ARID4A: variants seen among roughly 807,000 people sequenced by gnomAD.
ARID4A encodes AT-rich interactive domain-containing protein 4A.
A neutral mutation model predicts 148.6 loss-of-function variants in ARID4A; 39 were observed. The ratio of observed to expected loss-of-function variants is 0.26; its 90% confidence interval spans 0.20 to 0.34. The LOEUF (loss-of-function observed/expected upper bound fraction) is 0.34. Among genes scored for constraint, ARID4A ranks in the 10% least tolerant of loss-of-function variants. ARID4A has a pLI of 1.00. For synonymous variants in ARID4A, 475 were observed against 481.2 expected (o/e 0.99, Z 0.17); for missense variants, 1,265 against 1,449.1 (o/e 0.87, Z 2.06).
chr14:58,302,179 G>A (rs902001597), intron 3 of ARID4A, among the ~76,000 whole-genome samples: 1 of 152,002 alleles, frequency 6.6e-6, no homozygotes, highest in East Asian at 1.9e-4. Flanking sequence ...CCAACGTGGC[G>A]AAACCCTGTC....
intron 17 of ARID4A, among the ~76,000 whole-genome samples, chr14:58,355,210 C>G (rs1040319736): frequency 4.6e-5 from 7 of 152,278 alleles, no homozygotes; most frequent in African/African-American, 1.4e-4. Flanking sequence ...TTTCTCTATA[C>G]ACTAGATGTG....
At chr14:58,346,589 G>T in intron 13 of ARID4A, 84 bp downstream of exon 13, 1 of 810,470 alleles carries the variant, frequency 1.2e-6, no homozygotes, top group South Asian at 1.8e-5. Context: ...TATGCACATT[G>T]GATAATAAAT....
At position 58,365,070 on chromosome 14, in the gene ARID4A, C is replaced by G. The variant is rs778624637; in HGVS notation, c.2981C>G (p.Ala994Gly). 4.7e-5 allele frequency: 76 copies of G among 1,613,988 alleles called. No individual in the cohort carries two copies. Among genetic ancestry groups the G allele is most frequent in the Non-Finnish European group, 5.9e-5 (70 of 1,180,006 alleles). The change falls in exon 20 of 24, where the codon GCC (alanine) becomes GGC (glycine). Residue 994 changes from alanine to glycine, a missense_variant. Physicochemically the swap from Ala to Gly is moderately conservative, Grantham distance 60. Around this residue, in one of 9 missense-constraint regions of ARID4A, gnomAD observed 666 missense variants for 730.9 expected, o/e 0.91. Coordinates refer to ENST00000355431, the MANE Select transcript of ARID4A (RefSeq NM_002892.4). The part of the protein sequence containing the change: ...ESNSLVSIPP[A>G]LPPVVQHNFS... Reference sequence around the variant, plus strand: ...AACTCTCTTGTTTCTATTCCACCTGCCCTACCTCCTGTAGTCCAACATAAC... The same window carrying G: ...AACTCTCTTGTTTCTATTCCACCTGGCCTACCTCCTGTAGTCCAACATAAC...
intron 8 of ARID4A, among the ~76,000 whole-genome samples, chr14:58,324,258 C>T (rs1195982685): frequency 6.6e-6 from 1 of 152,084 alleles, no homozygotes; most frequent in Non-Finnish European, 1.5e-5. Context: ...TTTTCCAGTA[C>T]TAACTTTTAT....
At chr14:58,368,422 A>G (rs1229555592) in intron 23 of ARID4A, among the ~76,000 whole-genome samples, 1 of 152,230 alleles carries the variant, frequency 6.6e-6, no homozygotes, top group Non-Finnish European at 1.5e-5. Flanking sequence ...TCTGTATTTA[A>G]AAGCCCTGAT....
At position 58,364,659 on chromosome 14, in the gene ARID4A, G is replaced by A. The variant is rs773944638; in HGVS notation, c.2570G>A (p.Arg857Gln). 8 of 1,613,534 alleles carry A rather than the reference G, an allele frequency of 5.0e-6. 1 individual carries two copies. The Admixed American group carries it at 5.0e-5, about 10-fold the overall frequency. ...TGTGTGAAAGAAAAGAAGTTGAAAC[G>A]GAAAATACTAGGACAATCATCGCCA... is the stretch of plus-strand genomic sequence containing the variant. ...DQCVKEKKLKRKILGQSSPEK... is the reference protein window; with the variant it reads ...DQCVKEKKLKQKILGQSSPEK... The change falls in exon 20 of 24, where the codon CGG becomes CAG. Residue 857 changes from arginine (R) to glutamine (Q), a missense_variant. Coordinates refer to ENST00000355431, the MANE Select transcript of ARID4A (RefSeq NM_002892.4).
In ARID4A at chr14:58,372,966, C is replaced by T. The variant is rs942753462; in HGVS notation, c.*977C>T. The T allele has an allele frequency of 8.4e-5, 16 of 189,806 alleles. No homozygotes were observed. The East Asian group carries it at 1.3e-3, about 15-fold the overall frequency. The allele number at this position is 189,806 out of a possible 1,614,324, so 11.8% of individuals were successfully genotyped here. A position where few individuals can be genotyped will look rare whatever the true frequency, so the allele number is the denominator to read the frequency against. On this transcript the variant is annotated 3_prime_UTR_variant, in exon 24 of 24. Coordinates refer to ENST00000355431, the MANE Select transcript of ARID4A (RefSeq NM_002892.4). ...TAATTCACTCTTTGGATGACAATAG[C>T]TCTCAGCTGTCCTTTTTACAGGAGG...
intron 7 of ARID4A, 68 bp from the exon 8 acceptor site, chr14:58,323,417 A>G (rs2033023637): frequency 6.5e-7 from 1 of 1,537,890 alleles, no homozygotes; most frequent in Non-Finnish European, 8.9e-7. Context: ...GACTATATTA[A>G]ATTCACAATA....
intron 18 of ARID4A, among the ~76,000 whole-genome samples, chr14:58,360,079 A>G (rs919219236): frequency 6.6e-6 from 1 of 152,210 alleles, no homozygotes; most frequent in Non-Finnish European, 1.5e-5. Flanking sequence ...AAAAAAAAAA[A>G]AAATCTTGAT....
intron 15 of ARID4A, 65 bp from the exon 16 acceptor site, chr14:58,351,008 A>AC: frequency 6.7e-7 from 1 of 1,485,550 alleles, no homozygotes; most frequent in Non-Finnish European, 9.0e-7. Flanking sequence ...AGGAAAAGAT[A>AC]TTTTTTCCTG....
At chr14:58,318,996 C>T (rs1010323770) in intron 7 of ARID4A, among the ~76,000 whole-genome samples, 191 bp downstream of exon 7, 20 of 152,186 alleles carry the variant, frequency 1.3e-4, no homozygotes, top group African/African-American at 4.6e-4. Context: ...GATAACAACT[C>T]TTACTTCTAA....
rs1382385449 is a variant in ARID4A, at chr14:58,332,000, C to T, written c.906+1831C>T. On this transcript the variant is annotated intron_variant, in intron 11 of 23. Transcript: ENST00000355431. The stretch of plus-strand genomic sequence containing the variant: ...TTCCAGAATGCATTTTCCCTACCCC[C>T]CCCCCCCCAAAAAACCCTGAAATTT... Among the ~76,000 whole-genome samples the T allele has an allele frequency of 1.4e-3, 198 of 145,070 alleles. 7 individuals carry two copies. Among genetic ancestry groups the T allele is most frequent in the Non-Finnish European group, 1.1e-3 (74 of 65,724 alleles).
At chr14:58,338,851 C>T (rs1004852968) in intron 11 of ARID4A, among the ~76,000 whole-genome samples, 1 of 150,730 alleles carries the variant, frequency 6.6e-6, no homozygotes, top group Non-Finnish European at 1.5e-5. Flanking sequence ...AACATTATTG[C>T]ACAAAAAAAA....
chr14:58,310,535 C>T (rs575810195), intron 5 of ARID4A, among the ~76,000 whole-genome samples: 25 of 152,158 alleles, frequency 1.6e-4, no homozygotes, highest in African/African-American at 4.3e-4. Context: ...ACAGTCTCTT[C>T]GTAAATGGTG....
chr14:58,321,955 T>TG (rs1491413739), intron 7 of ARID4A, among the ~76,000 whole-genome samples: 1 of 51,600 alleles, frequency 1.9e-5, no homozygotes, highest in South Asian at 6.1e-4. Context: ...TTGTTGTTGT[T>TG]GTTTTTTTTG....
chr14:58,318,466 A>G (rs971635555), intron 5 of ARID4A, 76 bp from the exon 6 acceptor site: 20 of 1,358,398 alleles, frequency 1.5e-5, no homozygotes, highest in Admixed American at 1.4e-4. Context: ...ATTAATAGCA[A>G]TAATAGCATT....
In ARID4A at chr14:58,365,101, A is replaced by G; in HGVS notation, c.3012A>G (p.Ser1004=). The G allele has an allele frequency of 6.2e-7, 1 of 1,614,174 alleles. No individual in the cohort carries two copies. Among genetic ancestry groups the G allele is most frequent in the Non-Finnish European group, 8.5e-7 (1 of 1,180,000 alleles). ...ALPPVVQHNF[S]VASPLTLSQD... The stretch of plus-strand genomic sequence containing the variant: ...CTCCTGTAGTCCAACATAACTTTTC[A>G]GTAGCTTCACCACTTACTCTTAGTC... Residue 1004 remains serine (S), a synonymous_variant, in exon 20 of 24, where the codon TCA becomes TCG. Coordinates refer to ENST00000355431, the MANE Select transcript of ARID4A (RefSeq NM_002892.4).
At chr14:58,323,973 C>T (rs1311627598) in intron 8 of ARID4A, among the ~76,000 whole-genome samples, 8 of 137,430 alleles carry the variant, frequency 5.8e-5, no homozygotes, top group African/African-American at 2.2e-4. Context: ...GGCGCGATCT[C>T]GGCTCACTGC....
In ARID4A at chr14:58,306,007, G is replaced by A; in HGVS notation, c.184-15G>A. Reference sequence around the variant, plus strand: ...TGTTTAAATTTGGTAAGGAAATTGGGATTTCACATTTTAGGTTGGAGCTAT... The same window carrying A: ...TGTTTAAATTTGGTAAGGAAATTGGAATTTCACATTTTAGGTTGGAGCTAT... On this transcript the variant is annotated splice_polypyrimidine_tract_variant and intron_variant, in intron 4 of 23. Coordinates refer to ENST00000355431, the MANE Select transcript of ARID4A (RefSeq NM_002892.4). 1 of 1,604,226 alleles carries A rather than the reference G, an allele frequency of 6.2e-7. No homozygotes were observed. The highest frequency in any genetic ancestry group is 8.5e-7 in the Non-Finnish European group (1 of 1,171,428).
Sources: gnomAD v4.1 joint callset for allele counts (sites outside exome capture counted in the v4.1 genomes callset) on GRCh38, gnomAD v4.1.1 for gene constraint, gnomAD v4.1.1 regional missense constraint, MANE v1.5 for transcripts, NCBI Gene and HGNC (gene_info 2026-07-23, HGNC 2026-07-21) for gene names.